The following NHERF1 variants were observed in gnomAD, a reference collection of about 807,000 sequenced individuals.
NHERF1 encodes NHERF family PDZ scaffold protein 1.
At chr17:74,752,496 G>GT in the NHERF1 span, among the ~76,000 whole-genome samples, 4 of 150,910 alleles carry the variant, frequency 2.7e-5, no homozygotes, top group Non-Finnish European at 5.9e-5. Flanking sequence ...CACTTTTTTT[G>GT]TTTTTGTTTT....
At chr17:74,763,618 G>A in the NHERF1 span, 10 of 1,299,940 alleles carry the variant, frequency 7.7e-6, no homozygotes, top group African/African-American at 1.5e-5. Flanking sequence ...GCGAGGGGTG[G>A]GCAGCTTCCC....
At chr17:74,760,955 A>G in the NHERF1 span, among the ~76,000 whole-genome samples, 1 of 152,198 alleles carries the variant, frequency 6.6e-6, no homozygotes, top group Non-Finnish European at 1.5e-5. The surrounding 1 kb of genome is among the most constrained non-coding windows in gnomAD (Gnocchi z 4.5). Context: ...CAGGCTGGAC[A>G]GCAGCCAGTG....
chr17:74,764,262 T>A, the NHERF1 span, among the ~76,000 whole-genome samples: 1 of 152,162 alleles, frequency 6.6e-6, no homozygotes, highest in Non-Finnish European at 1.5e-5. The surrounding 1 kb of genome is among the most constrained non-coding windows in gnomAD (Gnocchi z 4.9). Flanking sequence ...TGGGGCCTCC[T>A]GGAGACTCAA....
At chr17:74,766,981 G>A in the NHERF1 span, 2 of 1,613,856 alleles carry the variant, frequency 1.2e-6, no homozygotes, top group Non-Finnish European at 1.7e-6. Flanking sequence ...CAGAAGGTAA[G>A]GGCGGGTCCC....
the NHERF1 span, chr17:74,749,030 G>A: frequency 6.2e-7 from 1 of 1,601,460 alleles, no homozygotes; most frequent in South Asian, 1.1e-5. This position sits in a 1 kb window ranked among gnomAD's most constrained non-coding sequence, Gnocchi z 5.6. Flanking sequence ...GCTGGTGGAG[G>A]TGAACGGCGA....
the NHERF1 span, among the ~76,000 whole-genome samples, chr17:74,757,906 G>A: frequency 6.6e-6 from 1 of 152,198 alleles, no homozygotes; most frequent in Non-Finnish European, 1.5e-5. Context: ...TTGAGAGGTG[G>A]GGTTACCTCT....
the NHERF1 span, chr17:74,763,080 C>A: frequency 2.9e-6 from 1 of 345,806 alleles, no homozygotes; most frequent in Non-Finnish European, 5.3e-6. Flanking sequence ...CCACCCCGGC[C>A]TCCCAGCTCG....
chr17:74,765,841 C>G, the NHERF1 span, among the ~76,000 whole-genome samples: 1 of 152,046 alleles, frequency 6.6e-6, no homozygotes, highest in African/African-American at 2.4e-5. Flanking sequence ...CATGAGCCAC[C>G]GAGCCCAGAC....
chr17:74,762,230 C>T, the NHERF1 span: 2 of 1,586,884 alleles, frequency 1.3e-6, no homozygotes, highest in East Asian at 2.2e-5. This position sits in a 1 kb window ranked among gnomAD's most constrained non-coding sequence, Gnocchi z 4.2. Context: ...AGATCAGCAG[C>T]ACCTGGGGCA....
chr17:74,756,099 G>A, the NHERF1 span, among the ~76,000 whole-genome samples: 16 of 149,170 alleles, frequency 1.1e-4, no homozygotes, highest in African/African-American at 3.7e-4. Context: ...GCACCACCAC[G>A]CCCAGCTGAT....
the NHERF1 span, chr17:74,748,860 C>G: frequency 1.3e-6 from 2 of 1,593,924 alleles, no homozygotes; most frequent in Non-Finnish European, 1.7e-6. The surrounding 1 kb of genome is among the most constrained non-coding windows in gnomAD (Gnocchi z 4.3). Flanking sequence ...AGCGCGGACG[C>G]AGCGGCCGGG....
At chr17:74,761,048 C>T in the NHERF1 span, among the ~76,000 whole-genome samples, 3 of 152,252 alleles carry the variant, frequency 2.0e-5, no homozygotes, top group Non-Finnish European at 4.4e-5. This position sits in a 1 kb window ranked among gnomAD's most constrained non-coding sequence, Gnocchi z 4.3. Context: ...TGCCTACACC[C>T]ATATTCCCTC....
chr17:74,748,684 G>GC, the NHERF1 span: 1 of 620,226 alleles, frequency 1.6e-6, no homozygotes, highest in Non-Finnish European at 2.7e-6. The surrounding 1 kb of genome is among the most constrained non-coding windows in gnomAD (Gnocchi z 4.3). Context: ...CTCGCGGCTC[G>GC]CGGCGGCCGA....
At chr17:74,763,385 G>T in the NHERF1 span, 1 of 1,614,090 alleles carries the variant, frequency 6.2e-7, no homozygotes, top group Non-Finnish European at 8.5e-7. Flanking sequence ...GGTCTGCATG[G>T]AGGGGAAGCA....
At chr17:74,766,897 C>T in the NHERF1 span, 2 of 1,608,416 alleles carry the variant, frequency 1.2e-6, no homozygotes, top group Non-Finnish European at 1.7e-6. Flanking sequence ...TCTATTCCAT[C>T]CCCGTTCTGG....
At chr17:74,763,749 G>C in the NHERF1 span, among the ~76,000 whole-genome samples, 1 of 152,182 alleles carries the variant, frequency 6.6e-6, no homozygotes, top group Non-Finnish European at 1.5e-5. Flanking sequence ...GGGTCAGCTG[G>C]CATGAGGTCG....
chr17:74,768,555 T>C, the NHERF1 span: 1 of 1,613,490 alleles, frequency 6.2e-7, no homozygotes, highest in Non-Finnish European at 8.5e-7. Flanking sequence ...CTTCAACATC[T>C]CCCTGGCCAT....
chr17:74,768,183 G>GAA, the NHERF1 span: 7 of 1,613,696 alleles, frequency 4.3e-6, no homozygotes, highest in East Asian at 1.3e-4. Flanking sequence ...GGCAGCCTTG[G>GAA]AGAGCCCCAG....
At chr17:74,768,684 A>T in the NHERF1 span, 1 of 1,588,720 alleles carries the variant, frequency 6.3e-7, no homozygotes, top group Non-Finnish European at 8.5e-7. Flanking sequence ...AGTGACTGGC[A>T]GGGCCGAGCC....
Sources: gnomAD v4.1 joint callset for allele counts (sites outside exome capture counted in the v4.1 genomes callset) on GRCh38, gnomAD v4.1.1 for gene constraint, Gnocchi (gnomAD v3.1) non-coding constraint, MANE v1.5 for transcripts, NCBI Gene and HGNC (gene_info 2026-07-23, HGNC 2026-07-21) for gene names.